The following GOLGB1 variants were observed in gnomAD, a reference collection of about 807,000 sequenced individuals.
The protein encoded by GOLGB1 is golgin B1, also known as golgin subfamily B member 1.
In GOLGB1, 174 loss-of-function variants were observed where a neutral mutation model predicts 336.9. The observed-to-expected ratio is 0.52, with a 90% CI of 0.46 to 0.59. The LOEUF (loss-of-function observed/expected upper bound fraction) is 0.59. Among genes scored for constraint, GOLGB1 ranks in the 20% least tolerant of loss-of-function variants. GOLGB1 has a pLI of 0.00. For synonymous variants in GOLGB1, 1,208 were observed against 1,289.2 expected, an observed-to-expected ratio of 0.94 and a Z score of 1.35; for missense variants, 3,331 against 3,645.3, an observed-to-expected ratio of 0.91 and a Z score of 2.22.
intron 14 of GOLGB1, among the ~76,000 whole-genome samples, chr3:121,686,557 A>T (rs1941748471): frequency 6.6e-6 from 1 of 152,238 alleles, no homozygotes; most frequent in Non-Finnish European, 1.5e-5. Flanking sequence ...TCATCTGCTT[A>T]GTCAGTTCTA....
chr3:121,747,287 A>ATATATG (rs1947386854), intron 1 of GOLGB1, among the ~76,000 whole-genome samples: 3 of 110,056 alleles, frequency 2.7e-5, no homozygotes, highest in African/African-American at 1.2e-4. Context: ...GTATATATGT[A>ATATATG]TATATATGTG....
chr3:121,720,495 A>C (rs1945111739), intron 6 of GOLGB1, among the ~76,000 whole-genome samples: 1 of 152,220 alleles, frequency 6.6e-6, no homozygotes, highest in Non-Finnish European at 1.5e-5. Context: ...CATCTCCTTA[A>C]GATCTATGGT....
chr3:121,691,968 A>C lies in GOLGB1; in HGVS notation c.7396T>G (p.Ser2466Ala). 3.7e-6 allele frequency: 6 copies of C among 1,614,144 alleles called. No individual in the cohort carries two copies. The highest frequency in any genetic ancestry group is 5.1e-6 in the Non-Finnish European group (6 of 1,179,984). ...ENIQQKAQLD[S>A]FVKSMSSLQN... The stretch of plus-strand genomic sequence containing the variant: ...AGAGAAGACATGGATTTAACAAAGG[A>C]ATCCAACTGTGCCTTTTGCTGAATG... The change falls in exon 14 of 22, where the codon TCC becomes GCC. Residue 2466 changes from serine to alanine, a missense_variant. Ser to Ala is a moderately conservative substitution (Grantham distance 99, BLOSUM62 1). Transcript: ENST00000614479.
chr3:121,677,011 G>A lies in GOLGB1; in HGVS notation c.9059C>T (p.Ala3020Val). The A allele has an allele frequency of 6.2e-7, 1 of 1,613,904 alleles. No homozygotes were observed. The highest frequency in any genetic ancestry group is 8.5e-7 in the Non-Finnish European group (1 of 1,179,830). ...CAGATTTTGTGACCCATCTGGGGAA[G>A]CTGATGTCTCTGGGGATGCCTGCCA... Reference protein sequence around the residue: ...YQRQASPETSASPDGSQNLVY... With the variant: ...YQRQASPETSVSPDGSQNLVY... The change falls in exon 17 of 22, where the codon GCT becomes GTT. Residue 3020 changes from alanine to valine, a missense_variant. Ala to Val is a moderately conservative substitution (Grantham distance 64). Transcript: ENST00000614479.
rs545600770 is a variant in GOLGB1 at position 121,665,732 on chromosome 3, T to C, written c.9555-701A>G. Among the ~76,000 whole-genome samples, 3 of 152,268 alleles carry C rather than the reference T, an allele frequency of 2.0e-5. No homozygotes were observed. The South Asian group carries it at 6.2e-4, about 32-fold the overall frequency. ...GTAACACAGCACGTTTGATCAAGCATTTGCCTATAGGGATGAACTTTTTCA... is the reference window on the plus strand; with the variant it reads ...GTAACACAGCACGTTTGATCAAGCACTTGCCTATAGGGATGAACTTTTTCA... On this transcript the variant is annotated intron_variant, in intron 20 of 21. Coordinates refer to ENST00000614479, the MANE Select transcript of GOLGB1 (RefSeq NM_001366282.2).
intron 11 of GOLGB1, among the ~76,000 whole-genome samples, chr3:121,701,591 A>G (rs747789783): frequency 5.8e-4 from 89 of 152,310 alleles, no homozygotes; most frequent in South Asian, 1.7e-3. Context: ...ACGACACGCT[A>G]CTAAATCCAT....
At chr3:121,683,707 G>A (rs905375644) in intron 14 of GOLGB1, among the ~76,000 whole-genome samples, 6 of 152,070 alleles carry the variant, frequency 3.9e-5, no homozygotes, top group African/African-American at 1.4e-4. Flanking sequence ...AAAATGTAAT[G>A]TACTCAAAGA....
At chr3:121,688,475 G>C (rs1375706530) in intron 14 of GOLGB1, among the ~76,000 whole-genome samples, 2 of 152,206 alleles carry the variant, frequency 1.3e-5, no homozygotes, top group Non-Finnish European at 2.9e-5. Context: ...GACGGAGTCT[G>C]GTTCACTCAG....
At position 121,665,657 on chromosome 3, in the gene GOLGB1, G is replaced by C. The variant is rs551834461; in HGVS notation, c.9555-626C>G. 2.6e-5 allele frequency among the ~76,000 whole-genome samples: 4 copies of C among 152,298 alleles called. No homozygotes were observed. The East Asian group carries it at 7.7e-4, about 29-fold the overall frequency. ...TGGAACTTCTCCATTTAATGAAGAAGCTGCCATTACTCACTCAATGGTTAT... is the reference window on the plus strand; with the variant it reads ...TGGAACTTCTCCATTTAATGAAGAACCTGCCATTACTCACTCAATGGTTAT... On this transcript the variant is annotated intron_variant, in intron 20 of 21. Transcript: ENST00000614479.
intron 20 of GOLGB1, among the ~76,000 whole-genome samples, 165 bp from the exon 21 acceptor site, chr3:121,665,196 C>T (rs141007076): frequency 3.3e-5 from 5 of 152,354 alleles, no homozygotes; most frequent in South Asian, 2.1e-4. Context: ...CCAGCAGATA[C>T]GTTTCCTTCA....
At chr3:121,693,591 C>T in intron 13 of GOLGB1, 150 bp downstream of exon 13, 1 of 617,730 alleles carries the variant, frequency 1.6e-6, no homozygotes, top group Non-Finnish European at 2.8e-6. Context: ...TGTTGTTTGC[C>T]AAAAAAAAGT....
chr3:121,737,933 A>G (rs1029430271), intron 1 of GOLGB1, among the ~76,000 whole-genome samples: 4 of 152,192 alleles, frequency 2.6e-5, no homozygotes, highest in African/African-American at 9.7e-5. Context: ...ATATAACTTC[A>G]TATCTAAATA....
rs1427149192 is a variant in GOLGB1 at position 121,663,995 on chromosome 3, G to A, written c.*485C>T. 1 of 164,410 alleles carries A rather than the reference G, an allele frequency of 6.1e-6. No individual in the cohort carries two copies. Among genetic ancestry groups the A allele is most frequent in the Non-Finnish European group, 1.3e-5 (1 of 74,280 alleles). 10.2% of individuals were successfully genotyped at this position (164,410 alleles called of 1,614,324 possible). A position where few individuals can be genotyped will look rare whatever the true frequency, so the allele number is the denominator to read the frequency against. ...AGACCTAAATCAGATGTCCTATGAG[G>A]TGACATGTTCATTTCCCTGAACTCT... is the stretch of plus-strand genomic sequence containing the variant. On this transcript the variant is annotated 3_prime_UTR_variant, in exon 22 of 22. Coordinates refer to ENST00000614479, the MANE Select transcript of GOLGB1 (RefSeq NM_001366282.2).
At chr3:121,745,169 C>A (rs528771499) in intron 1 of GOLGB1, among the ~76,000 whole-genome samples, 134 of 152,130 alleles carry the variant, frequency 8.8e-4, no homozygotes, top group African/African-American at 2.9e-3. Flanking sequence ...AAGATGGGTA[C>A]TCCCCTCTAT....
rs750528121 is a variant in GOLGB1 at position 121,692,142 on chromosome 3, G to A, written c.7222C>T (p.Arg2408Cys). 4.0e-5 allele frequency: 65 copies of A among 1,611,414 alleles called. No homozygotes were observed. The East Asian group carries it at 4.9e-4, about 12-fold the overall frequency. ...EAIQVAIAEL[R>C]QQHDKEIKEL... ...TTAATTTCTTTATCATGTTGCTGAC[G>A]CAGTTCAGCAATAGCTACTTGGATT... Residue 2408 changes from arginine to cysteine, a missense_variant, in exon 14 of 22, where the codon CGT becomes TGT. Coordinates refer to ENST00000614479, the MANE Select transcript of GOLGB1 (RefSeq NM_001366282.2).
At chr3:121,703,954 AAAT>A (rs1436394213) in intron 10 of GOLGB1, among the ~76,000 whole-genome samples, 1 of 152,176 alleles carries the variant, frequency 6.6e-6, no homozygotes, top group African/African-American at 2.4e-5. Flanking sequence ...AAACAAAAAA[AAAT>A]AATGAACCAG....
chr3:121,747,287 ATATATATGTGTATATATGTATATATG>A (rs1479131435), intron 1 of GOLGB1, among the ~76,000 whole-genome samples: 10 of 110,056 alleles, frequency 9.1e-5, no homozygotes, highest in Admixed American at 5.0e-4. Flanking sequence ...GTATATATGT[ATATATATGTGTATATATGTATATATG>A]TATATATGTG....
At chr3:121,713,139 G>T (rs977826204) in intron 10 of GOLGB1, among the ~76,000 whole-genome samples, 1 of 152,038 alleles carries the variant, frequency 6.6e-6, no homozygotes, top group Admixed American at 6.6e-5. Context: ...TCCAGCATGG[G>T]CGACAGACCA....
intron 1 of GOLGB1, among the ~76,000 whole-genome samples, chr3:121,735,842 C>A (rs1001768971): frequency 5.3e-5 from 8 of 152,112 alleles, no homozygotes; most frequent in African/African-American, 1.9e-4. Flanking sequence ...ATGAGCGCAT[C>A]CAGATCTCGA....
Sources: allele counts gnomAD v4.1 joint callset (sites outside exome capture counted in the v4.1 genomes callset), GRCh38; gene constraint gnomAD v4.1.1; transcripts MANE v1.5; gene names NCBI Gene and HGNC (gene_info 2026-07-23, HGNC 2026-07-21).